The following CDKN2A variants were observed in gnomAD, a reference collection of about 807,000 sequenced individuals.
CDKN2A encodes the protein cyclin dependent kinase inhibitor 2A.
A neutral mutation model predicts 11.1 loss-of-function variants in CDKN2A; 3 were observed. That is an observed-to-expected ratio of 0.27 (90% CI 0.12 to 0.70). CDKN2A has a LOEUF of 0.70. CDKN2A is among the 30% of genes least tolerant of loss of function. The probability of loss-of-function intolerance (pLI) is 0.77; values close to 1 mark genes in which losing one functional copy is unlikely to be tolerated. For synonymous variants in CDKN2A, 122 were observed against 108.1 expected (o/e 1.13, Z -0.80); for missense variants, 265 against 233.6 (o/e 1.13, Z -0.88).
intron 1 of CDKN2A, among the ~76,000 whole-genome samples, chr9:21,973,819 A>G (rs1203752593): frequency 6.6e-6 from 1 of 152,132 alleles, no homozygotes; most frequent in Non-Finnish European, 1.5e-5. Context: ...GCAAACATAT[A>G]TTTATTTGCC....
chr9:21,973,853 A>G (rs1819894617), intron 1 of CDKN2A, among the ~76,000 whole-genome samples: 1 of 152,114 alleles, frequency 6.6e-6, no homozygotes, highest in African/African-American at 2.4e-5. Context: ...AATAAACACA[A>G]TATGTAGTTG....
chr9:21,975,093 G>A, upstream of CDKN2A: 2 of 1,294,898 alleles, frequency 1.5e-6, no homozygotes, highest in Non-Finnish European at 2.0e-6. Context: ...GTCGCCCCAG[G>A]TTGGGTCTCC....
chr9:21,969,881 G>T, intron 2 of CDKN2A: 2 of 397,798 alleles, frequency 5.0e-6, no homozygotes, highest in Non-Finnish European at 8.9e-6. Context: ...TTTGCGTTCT[G>T]TATTTACAGC....
In CDKN2A at chr9:21,988,816, T is replaced by C. The variant is rs1010050196; in HGVS notation, c.-4+5066A>G. On this transcript the variant is annotated intron_variant, in intron 2 of 3. Transcript: ENST00000494262. This position sits in a 1 kb window ranked among gnomAD's most constrained non-coding sequence, Gnocchi z 4.1. ...AAAAATACCACTATGTACAAGGCAC[T>C]GTGCTATATCTGGAACTACAAATAT... Among the ~76,000 whole-genome samples the C allele has an allele frequency of 1.2e-4, 19 of 152,324 alleles. No homozygotes were observed. In the South Asian group the frequency reaches 3.3e-3, roughly 27 times the overall value.
chr9:21,978,086 G>A (rs186966895), upstream of CDKN2A, among the ~76,000 whole-genome samples: 1,296 of 135,134 alleles, frequency 9.6e-3, 92 homozygotes, highest in East Asian at 0.21. Flanking sequence ...TTTTGCTCTA[G>A]AAATTGAAGT....
intron 2 of CDKN2A, chr9:21,992,529 T>G (rs1820451254): frequency 3.0e-6 from 2 of 664,578 alleles, no homozygotes; most frequent in Non-Finnish European, 3.7e-6. Flanking sequence ...ATTTAAATAT[T>G]TTTGCATTTC....
chr9:21,968,831 C>G lies in CDKN2A; in HGVS notation c.458-589G>C, dbSNP rs2131082940. 1 of 1,509,532 alleles carries G rather than the reference C, an allele frequency of 6.6e-7. No homozygotes were observed. The highest frequency in any genetic ancestry group is 8.9e-7 in the Non-Finnish European group (1 of 1,122,842). 93.5% of individuals were successfully genotyped at this position (1,509,532 alleles called of 1,614,324 possible). A position where few individuals can be genotyped will look rare whatever the true frequency, so the allele number is the denominator to read the frequency against. ...TCTGGCTTCTGCCTTCCTCTCTAATCTCGTTGCGTATGGGCTCCAGCTCGC... is the reference window on the plus strand; with the variant it reads ...TCTGGCTTCTGCCTTCCTCTCTAATGTCGTTGCGTATGGGCTCCAGCTCGC... On this transcript the variant is annotated intron_variant, in intron 2 of 2. Coordinates refer to ENST00000304494, the MANE Select transcript of CDKN2A (RefSeq NM_000077.5). This position sits in a 1 kb window ranked among gnomAD's most constrained non-coding sequence, Gnocchi z 4.7.
rs876659353 is a variant in CDKN2A at position 21,994,306 on chromosome 9, A to G, written c.-175-253T>C. 1 of 1,604,834 alleles carries G rather than the reference A, an allele frequency of 6.2e-7. No homozygotes were observed. The highest frequency in any genetic ancestry group is 8.5e-7 in the Non-Finnish European group (1 of 1,176,400). ...CGGGCCGCACGCGCGCCGAATCCGG[A>G]GGGTCACCAAGAACCTGCGCACCAT... On this transcript the variant is annotated intron_variant, in intron 1 of 3. Coordinates refer to the CDKN2A transcript ENST00000494262.
chr9:21,986,672 G>A (rs1235892038), intron 2 of CDKN2A, among the ~76,000 whole-genome samples: 2 of 152,052 alleles, frequency 1.3e-5, no homozygotes, highest in Non-Finnish European at 2.9e-5. Flanking sequence ...GGAAGTTGAA[G>A]TGTCCTATTA....
Position 21,968,516 on chromosome 9 carries a change from G to A in CDKN2A, c.458-274C>T. ...AGGGCAGAGAAAGCGCGACCGCGCG[G>A]CCCGCAGGGTTGCAAGAAGAAAACG... On this transcript the variant is annotated intron_variant, in intron 2 of 2. Coordinates refer to ENST00000304494, the MANE Select transcript of CDKN2A (RefSeq NM_000077.5). The surrounding 1 kb of genome is among the most constrained non-coding windows in gnomAD (Gnocchi z 4.7). The A allele has an allele frequency of 6.9e-7, 1 of 1,451,152 alleles. No homozygotes were observed. Among genetic ancestry groups the A allele is most frequent in the Non-Finnish European group, 9.0e-7 (1 of 1,109,388 alleles). The allele number at this position is 1,451,152 out of a possible 1,614,324, so 89.9% of individuals were successfully genotyped here. A position where few individuals can be genotyped will look rare whatever the true frequency, so the allele number is the denominator to read the frequency against.
chr9:21,978,539 T>G (rs1820094596), upstream of CDKN2A, among the ~76,000 whole-genome samples: 1 of 152,202 alleles, frequency 6.6e-6, no homozygotes, highest in South Asian at 2.1e-4. Flanking sequence ...ATGTAAAAAT[T>G]TACTACATTT....
At chr9:21,971,383 C>T in intron 1 of CDKN2A, 175 bp from the exon 2 acceptor site, 1 of 1,471,438 alleles carries the variant, frequency 6.8e-7, no homozygotes, top group Non-Finnish European at 9.0e-7. Flanking sequence ...ATCCATTCTT[C>T]AGTACACAAT....
At chr9:21,972,457 TAC>T (rs1310884397) in intron 1 of CDKN2A, among the ~76,000 whole-genome samples, 3 of 151,858 alleles carry the variant, frequency 2.0e-5, no homozygotes, top group East Asian at 1.9e-4. Context: ...ACAGAGAAAA[TAC>T]AGAGACCATG....
upstream of CDKN2A, chr9:21,975,200 G>A (rs1176137908): frequency 2.8e-6 from 3 of 1,078,694 alleles, no homozygotes; most frequent in African/African-American, 5.0e-5. Context: ...ACCGCCCTCC[G>A]GCCTCCCTGC....
chr9:21,972,703 G>A (rs1819821058), intron 1 of CDKN2A, among the ~76,000 whole-genome samples: 1 of 152,208 alleles, frequency 6.6e-6, no homozygotes, highest in Non-Finnish European at 1.5e-5. Flanking sequence ...CATTAAACAA[G>A]AGATGGTCAC....
chr9:21,991,609 T>C lies in CDKN2A; in HGVS notation c.-4+2273A>G. 4.1e-6 allele frequency: 4 copies of C among 973,426 alleles called. No individual in the cohort carries two copies. Among genetic ancestry groups the C allele is most frequent in the Non-Finnish European group, 4.9e-6 (4 of 818,972 alleles). The allele number at this position is 973,426 out of a possible 1,614,324, so 60.3% of individuals were successfully genotyped here. ...TCACTTTAGTAATAGGAGTTTTTCA[T>C]ATGTTGGGAAAATGGTTTAGCTTAA... On this transcript the variant is annotated intron_variant, in intron 2 of 3. Coordinates refer to the CDKN2A transcript ENST00000494262. This position sits in a 1 kb window ranked among gnomAD's most constrained non-coding sequence, Gnocchi z 5.2.
intron 2 of CDKN2A, chr9:21,992,242 T>G: frequency 1.1e-6 from 1 of 945,046 alleles, no homozygotes; most frequent in Non-Finnish European, 1.3e-6. Context: ...CCTAACATAA[T>G]TAGTATCCAT....
At chr9:21,969,136 A>G (rs1451206804) in intron 2 of CDKN2A, among the ~76,000 whole-genome samples, 2 of 152,210 alleles carry the variant, frequency 1.3e-5, no homozygotes, top group Non-Finnish European at 2.9e-5. Flanking sequence ...GTCGGGCAAG[A>G]TAGCTTGGGA....
At chr9:21,975,707 G>C (rs1489794158), upstream of CDKN2A, among the ~76,000 whole-genome samples, 2 of 152,218 alleles carry the variant, frequency 1.3e-5, no homozygotes, top group African/African-American at 4.8e-5. Context: ...CCTGTAGGCA[G>C]ATAGGAAAAT....
Sources: gnomAD v4.1 joint callset for allele counts (sites outside exome capture counted in the v4.1 genomes callset) on GRCh38, gnomAD v4.1.1 for gene constraint, Gnocchi (gnomAD v3.1) non-coding constraint, MANE v1.5 for transcripts, NCBI Gene and HGNC (gene_info 2026-07-23, HGNC 2026-07-21) for gene names.